LRGUK: variants seen among roughly 807,000 people sequenced by gnomAD.
LRGUK encodes the protein leucine-rich repeat and guanylate kinase domain-containing protein.
In LRGUK, 65 loss-of-function variants were observed where a neutral mutation model predicts 76.0. The observed-to-expected ratio is 0.85, with a 90% CI of 0.70 to 1.05. The LOEUF (loss-of-function observed/expected upper bound fraction) is 1.05, where lower values mean the gene tolerates loss of function less well. Ranked by LOEUF, LRGUK falls within the 50% of genes least tolerant of loss-of-function variation. LRGUK has a pLI of 0.00. For synonymous variants in LRGUK, 268 were observed against 265.6 expected (o/e 1.01, Z -0.09); for missense variants, 758 against 732.8 (o/e 1.03, Z -0.40).
chr7:134,241,202 A>G (rs1033466164), intron 16 of LRGUK, among the ~76,000 whole-genome samples: 10 of 152,232 alleles, frequency 6.6e-5, no homozygotes, highest in African/African-American at 2.2e-4. Flanking sequence ...ACACGTAACA[A>G]TATTAACCTT....
intron 18 of LRGUK, among the ~76,000 whole-genome samples, chr7:134,255,538 C>G (rs984422313): frequency 3.3e-5 from 5 of 152,194 alleles, no homozygotes; most frequent in Admixed American, 3.3e-4. Flanking sequence ...ACAATTAGTT[C>G]AGACATATTT....
intron 1 of LRGUK, among the ~76,000 whole-genome samples, chr7:134,132,912 C>T (rs1222399): frequency 0.84 from 127,578 of 152,176 alleles, 54,128 homozygotes; most frequent in Non-Finnish European, 0.9. Context: ...GTGGAGAAGA[C>T]GGCAAAGGAG....
intron 16 of LRGUK, among the ~76,000 whole-genome samples, chr7:134,232,341 C>A (rs776044511): frequency 6.6e-6 from 1 of 151,930 alleles, no homozygotes; most frequent in Non-Finnish European, 1.5e-5. Flanking sequence ...TGCAATGGCA[C>A]GATCTCGGCT....
At chr7:134,127,784 C>T (rs1049174924) in intron 1 of LRGUK, 120 bp downstream of exon 1, 3 of 1,180,696 alleles carry the variant, frequency 2.5e-6, no homozygotes, top group African/African-American at 3.1e-5. Flanking sequence ...CAGGCTCTCT[C>T]GCCTCCAGGA....
the LRGUK span, among the ~76,000 whole-genome samples, chr7:134,274,635 A>C: frequency 6.6e-6 from 1 of 152,132 alleles, no homozygotes. Flanking sequence ...TTGCTATATA[A>C]ATTTTGATGT....
At chr7:134,184,151 C>T (rs113917208) in intron 11 of LRGUK, among the ~76,000 whole-genome samples, 13 of 152,062 alleles carry the variant, frequency 8.5e-5, no homozygotes, top group Admixed American at 2.0e-4. Context: ...GGTTCTGGAA[C>T]GATAGAATCT....
At chr7:134,208,056 G>A (rs1337748147) in intron 15 of LRGUK, among the ~76,000 whole-genome samples, 2 of 152,340 alleles carry the variant, frequency 1.3e-5, no homozygotes, top group African/African-American at 2.4e-5. Flanking sequence ...GGAAGCCCAA[G>A]AGGAGGCCTG....
exon 16 of LRGUK, chr7:134,221,868 A>G (rs1801605423): frequency 6.3e-7 from 1 of 1,599,316 alleles, no homozygotes; most frequent in Non-Finnish European, 8.5e-7. Flanking sequence ...TACAGACAGA[A>G]ACTACCTCAT....
At chr7:134,153,442 T>C (rs1198669414) in intron 5 of LRGUK, among the ~76,000 whole-genome samples, 1 of 152,146 alleles carries the variant, frequency 6.6e-6, no homozygotes, top group Non-Finnish European at 1.5e-5. Context: ...AAGAGTACAG[T>C]TTATTCTTTA....
intron 18 of LRGUK, 133 bp downstream of exon 18, chr7:134,249,209 A>G (rs1360395627): frequency 3.9e-6 from 4 of 1,030,520 alleles, no homozygotes; most frequent in South Asian, 2.4e-5. Context: ...GTAGAATTTG[A>G]AGGGAGTAGA....
At chr7:134,262,189 C>G (rs1408499495) in intron 19 of LRGUK, among the ~76,000 whole-genome samples, 1 of 152,084 alleles carries the variant, frequency 6.6e-6, no homozygotes, top group East Asian at 1.9e-4. Context: ...GTCTGGCCAA[C>G]ATGGCGAAAC....
chr7:134,232,451 T>G (rs1248735649), intron 16 of LRGUK, among the ~76,000 whole-genome samples: 1 of 152,072 alleles, frequency 6.6e-6, no homozygotes, highest in Non-Finnish European at 1.5e-5. Context: ...GCTAATTTTT[T>G]GTATCTTTAG....
intron 10 of LRGUK, among the ~76,000 whole-genome samples, chr7:134,183,300 A>G (rs1382010079): frequency 1.3e-5 from 2 of 152,206 alleles, no homozygotes; most frequent in Non-Finnish European, 2.9e-5. Context: ...GCACATAGTA[A>G]TTGCTCAGGT....
chr7:134,212,242 C>T (rs894067642), downstream of LRGUK, among the ~76,000 whole-genome samples: 4 of 152,210 alleles, frequency 2.6e-5, no homozygotes, highest in Admixed American at 2.6e-4. Flanking sequence ...TCAGACATAC[C>T]TATTGAACCT....
intron 16 of LRGUK, among the ~76,000 whole-genome samples, chr7:134,242,275 G>T (rs1278992071): frequency 1.3e-5 from 2 of 152,058 alleles, no homozygotes; most frequent in South Asian, 4.1e-4. Context: ...CTGGTTTTTT[G>T]AAAGGATCAA....
chr7:134,188,206 G>T (rs1800053898), intron 11 of LRGUK, among the ~76,000 whole-genome samples: 1 of 152,156 alleles, frequency 6.6e-6, no homozygotes, highest in African/African-American at 2.4e-5. Flanking sequence ...AGTTTGATGG[G>T]TGCTATGATG....
At chr7:134,192,099 A>G (rs1282461775) in intron 12 of LRGUK, among the ~76,000 whole-genome samples, 1 of 152,256 alleles carries the variant, frequency 6.6e-6, no homozygotes, top group Non-Finnish European at 1.5e-5. Flanking sequence ...CAGTTCTTAC[A>G]TAACCGATGG....
chr7:134,185,430 G>T (rs375047520), intron 11 of LRGUK, among the ~76,000 whole-genome samples: 3 of 151,496 alleles, frequency 2.0e-5, no homozygotes, highest in South Asian at 4.2e-4. Context: ...GTGTGTTGGC[G>T]CACACCTGTA....
chr7:134,162,241 G>A (rs1221947274), intron 6 of LRGUK, among the ~76,000 whole-genome samples: 1 of 152,174 alleles, frequency 6.6e-6, no homozygotes, highest in Non-Finnish European at 1.5e-5. Flanking sequence ...TGGGCTTGCT[G>A]CATTTAGCCG....
Sources: allele counts gnomAD v4.1 joint callset (sites outside exome capture counted in the v4.1 genomes callset), GRCh38; gene constraint gnomAD v4.1.1; transcripts MANE v1.5; gene names NCBI Gene and HGNC (gene_info 2026-07-23, HGNC 2026-07-21).